The following RHBDD1 variants were observed in gnomAD, a reference collection of about 807,000 sequenced individuals.
RHBDD1 encodes rhomboid domain containing 1.
RHBDD1 carries 38 observed loss-of-function variants against 36.3 expected under a neutral mutation model. The observed-to-expected ratio is 1.05, with a 90% confidence interval of 0.81 to 1.37. The LOEUF (loss-of-function observed/expected upper bound fraction) is 1.37, where lower values mean the gene tolerates loss of function less well. RHBDD1 is among the 40% of genes most tolerant of loss of function. The pLI is 0.00. For synonymous variants in RHBDD1, 151 were observed against 136.5 expected (o/e 1.11, Z -0.74); for missense variants, 393 against 377.6 (o/e 1.04, Z -0.34).
chr2:226,859,011 G>A (rs1943587775), intron 3 of RHBDD1, among the ~76,000 whole-genome samples: 1 of 152,130 alleles, frequency 6.6e-6, no homozygotes, highest in Admixed American at 6.5e-5. Context: ...ACCTAAAAAT[G>A]CTAAGTGGAA....
chr2:226,936,469 A>C (rs1470836460), intron 8 of RHBDD1, among the ~76,000 whole-genome samples: 4 of 152,142 alleles, frequency 2.6e-5, no homozygotes, highest in Admixed American at 2.6e-4. Context: ...TGACCTTACT[A>C]GTTATCTGTG....
intron 3 of RHBDD1, among the ~76,000 whole-genome samples, chr2:226,845,796 G>A (rs1942147225): frequency 7.9e-5 from 12 of 152,294 alleles, no homozygotes; most frequent in Middle Eastern, 6.8e-3. Context: ...CTTTCTAGGT[G>A]AAAAATAATT....
At chr2:226,867,455 A>C in intron 5 of RHBDD1, 137 bp downstream of exon 5, 3 of 1,208,710 alleles carry the variant, frequency 2.5e-6, no homozygotes, top group Non-Finnish European at 3.4e-6. Flanking sequence ...ATCAAGCTTA[A>C]TAGTTTTAAT....
chr2:226,800,964 GTTTT>G, the RHBDD1 span, among the ~76,000 whole-genome samples: 1 of 152,170 alleles, frequency 6.6e-6, no homozygotes, highest in Non-Finnish European at 1.5e-5. Context: ...GCTCCCCAGA[GTTTT>G]TTTATTTTTT....
At chr2:226,844,031 C>A (rs190425009) in intron 3 of RHBDD1, among the ~76,000 whole-genome samples, 132 of 152,192 alleles carry the variant, frequency 8.7e-4, no homozygotes, top group Middle Eastern at 3.4e-3. Flanking sequence ...GGAATTTAGC[C>A]ATTTCTTCTA....
At chr2:226,847,006 C>T (rs920850041) in intron 3 of RHBDD1, among the ~76,000 whole-genome samples, 1 of 152,148 alleles carries the variant, frequency 6.6e-6, no homozygotes, top group Non-Finnish European at 1.5e-5. Flanking sequence ...AAGTTGTTAA[C>T]TGCACATGTG....
intron 7 of RHBDD1, among the ~76,000 whole-genome samples, chr2:226,911,141 A>G (rs1405399995): frequency 5.9e-5 from 9 of 152,202 alleles, no homozygotes; most frequent in Middle Eastern, 3.2e-3. Context: ...GTATCTGGCA[A>G]TTAAAACTCT....
At chr2:226,849,535 C>G (rs955884338) in intron 3 of RHBDD1, among the ~76,000 whole-genome samples, 1 of 152,222 alleles carries the variant, frequency 6.6e-6, no homozygotes, top group Non-Finnish European at 1.5e-5. Context: ...ACCTACATCC[C>G]CTTGCCCTTA....
intron 5 of RHBDD1, among the ~76,000 whole-genome samples, chr2:226,874,017 C>T (rs1692301645): frequency 6.6e-6 from 1 of 152,066 alleles, no homozygotes; most frequent in Non-Finnish European, 1.5e-5. Context: ...TACATGGTGG[C>T]AGGTGTAAGA....
chr2:226,814,544 G>A, the RHBDD1 span, among the ~76,000 whole-genome samples: 1 of 152,144 alleles, frequency 6.6e-6, no homozygotes, highest in Admixed American at 6.6e-5. Flanking sequence ...GCAAAGGTAG[G>A]CTAGTTAGGA....
chr2:226,888,561 A>C (rs1946422718), intron 5 of RHBDD1, among the ~76,000 whole-genome samples: 1 of 152,104 alleles, frequency 6.6e-6, no homozygotes, highest in Non-Finnish European at 1.5e-5. Flanking sequence ...CACATTTTTC[A>C]TTGACTCATT....
At chr2:226,967,654 G>A (rs879831173) in intron 8 of RHBDD1, among the ~76,000 whole-genome samples, 3 of 151,614 alleles carry the variant, frequency 2.0e-5, no homozygotes, top group Admixed American at 2.0e-4. Flanking sequence ...AGTCATTGTT[G>A]TAGTAATTTT....
At chr2:226,867,630 G>A (rs1361659233) in intron 5 of RHBDD1, 1 of 985,028 alleles carries the variant, frequency 1.0e-6, no homozygotes, top group Non-Finnish European at 1.2e-6. Flanking sequence ...AATTCTGAAA[G>A]CAAGATTCCA....
At chr2:226,824,568 T>C in the RHBDD1 span, among the ~76,000 whole-genome samples, 2 of 152,218 alleles carry the variant, frequency 1.3e-5, no homozygotes, top group African/African-American at 4.8e-5. Context: ...TCTGTGATTG[T>C]ATGGGATGTC....
intron 8 of RHBDD1, among the ~76,000 whole-genome samples, chr2:226,951,685 T>G (rs1321603642): frequency 2.6e-5 from 4 of 152,158 alleles, no homozygotes; most frequent in African/African-American, 9.7e-5. Context: ...AATCTTCCAA[T>G]TCAATGGAAA....
At chr2:226,916,884 T>C (rs10177995) in intron 8 of RHBDD1, among the ~76,000 whole-genome samples, 76,242 of 151,964 alleles carry the variant, frequency 0.5, 20,029 homozygotes, top group African/African-American at 0.67. Flanking sequence ...GTGTCTTTTT[T>C]GAAAGAGAAA....
intron 3 of RHBDD1, among the ~76,000 whole-genome samples, chr2:226,842,220 T>G (rs1229601333): frequency 1.3e-5 from 2 of 152,186 alleles, no homozygotes; most frequent in Non-Finnish European, 2.9e-5. Context: ...CTGTAAAAAT[T>G]TTCTCCCATT....
chr2:226,994,697 C>T (rs1959024414), intron 8 of RHBDD1, among the ~76,000 whole-genome samples: 1 of 152,168 alleles, frequency 6.6e-6, no homozygotes. Flanking sequence ...TCCTTGAGAT[C>T]AAGGACTATG....
intron 3 of RHBDD1, among the ~76,000 whole-genome samples, chr2:226,861,310 G>T (rs749418762): frequency 2.6e-5 from 4 of 152,166 alleles, no homozygotes; most frequent in Non-Finnish European, 4.4e-5. Flanking sequence ...GAAGCCTCAG[G>T]AGAGCAAGGT....
Sources: gnomAD v4.1 joint callset for allele counts (sites outside exome capture counted in the v4.1 genomes callset) on GRCh38, gnomAD v4.1.1 for gene constraint, MANE v1.5 for transcripts, NCBI Gene and HGNC (gene_info 2026-07-23, HGNC 2026-07-21) for gene names.